The following UGT1A5 variants were observed in gnomAD, a reference collection of about 807,000 sequenced individuals.
UGT1A5 encodes the protein UDP-glucuronosyltransferase 1A5.
A neutral mutation model predicts 40.3 loss-of-function variants in UGT1A5; 29 were observed. That is an observed-to-expected ratio of 0.72 (90% CI 0.54 to 0.98). The LOEUF (loss-of-function observed/expected upper bound fraction) is 0.98, where lower values mean the gene tolerates loss of function less well. Among genes scored for constraint, UGT1A5 ranks in the 50% least tolerant of loss-of-function variants. The pLI, the probability that UGT1A5 is intolerant of heterozygous loss-of-function variation, is 0.00. For missense variants in UGT1A5, 678 were observed against 677.9 expected (o/e 1.00, Z 0.00); for synonymous variants, 257 against 262.5 (o/e 0.98, Z 0.20).
chr2:233,772,588 TG>T lies in UGT1A5; in HGVS notation c.*30del, dbSNP rs774491304. The T allele has an allele frequency of 1.9e-6, 3 of 1,604,040 alleles. No homozygotes were observed. The South Asian group carries it at 3.3e-5, about 18-fold the overall frequency. On this transcript the variant is annotated 3_prime_UTR_variant, in exon 5 of 5. Transcript: ENST00000373414. ...GTGGGTGGGAAATAAGGTAAAATTT[TG>T]AACCATTCCCTAGTCATTTCCAAAC...
intron 1 of UGT1A5, among the ~76,000 whole-genome samples, chr2:233,736,051 TG>T (rs2078724849): frequency 6.6e-6 from 1 of 152,250 alleles, no homozygotes; most frequent in South Asian, 2.1e-4. Context: ...ATTTGAATGT[TG>T]GCCTGCCTTG....
chr2:233,737,522 C>T (rs1286705932), intron 1 of UGT1A5, among the ~76,000 whole-genome samples: 9 of 152,174 alleles, frequency 5.9e-5, no homozygotes, highest in African/African-American at 9.7e-5. Context: ...CTAGGTGAGG[C>T]GACGCCCTGC....
intron 1 of UGT1A5, among the ~76,000 whole-genome samples, chr2:233,756,740 T>G (rs1165580582): frequency 6.6e-6 from 1 of 152,136 alleles, no homozygotes; most frequent in Non-Finnish European, 1.5e-5. Flanking sequence ...CTTCACCTCC[T>G]CCTTATTCTC....
In UGT1A5 at chr2:233,769,706, T is replaced by G; in HGVS notation, c.1307+1267T>G. On this transcript the variant is annotated intron_variant, in intron 4 of 4. Transcript: ENST00000373414. The surrounding 1 kb of genome is among the most constrained non-coding windows in gnomAD (Gnocchi z 4.4). ...GGTGGCACTGGATAAAAGATCAATG[T>G]TGGCTAGGCACCATGGCACACGCCT... 6.6e-7 allele frequency: 1 copy of G among 1,515,112 alleles called. No homozygotes were observed. 93.9% of individuals were successfully genotyped at this position (1,515,112 alleles called of 1,614,324 possible).
chr2:233,727,904 A>G (rs1312363153), intron 1 of UGT1A5, among the ~76,000 whole-genome samples: 1 of 152,232 alleles, frequency 6.6e-6, no homozygotes, highest in Non-Finnish European at 1.5e-5. Flanking sequence ...CCAGGCAAGA[A>G]GACACAGGGG....
At chr2:233,729,037 G>A in intron 1 of UGT1A5, 2 of 1,603,940 alleles carry the variant, frequency 1.2e-6, no homozygotes, top group Non-Finnish European at 1.7e-6. Context: ...TTTGCTAAGT[G>A]GCTCAGTGAC....
intron 1 of UGT1A5, among the ~76,000 whole-genome samples, chr2:233,745,929 G>A (rs954070768): frequency 4.0e-5 from 6 of 151,604 alleles, no homozygotes; most frequent in African/African-American, 1.2e-4. Context: ...GATTCAGAAG[G>A]GACAGCTGGG....
chr2:233,762,605 G>T (rs1247129136), intron 1 of UGT1A5, among the ~76,000 whole-genome samples: 1 of 152,120 alleles, frequency 6.6e-6, no homozygotes, highest in Non-Finnish European at 1.5e-5. Flanking sequence ...TATTCCAGGA[G>T]TTTTGTTGTT....
At chr2:233,761,660 C>T (rs998044886) in intron 1 of UGT1A5, among the ~76,000 whole-genome samples, 2 of 152,246 alleles carry the variant, frequency 1.3e-5, no homozygotes, top group African/African-American at 4.8e-5. Flanking sequence ...ATGAGTGAAT[C>T]ACCAGACAGT....
intron 1 of UGT1A5, chr2:233,728,998 G>C: frequency 6.4e-7 from 1 of 1,560,662 alleles, no homozygotes; most frequent in South Asian, 1.2e-5. Context: ...AACTAGAGGA[G>C]GGCACTCTGT....
chr2:233,739,091 C>T (rs1027086038), intron 1 of UGT1A5: 13 of 152,212 alleles, frequency 8.5e-5, no homozygotes, highest in Admixed American at 1.3e-4. Flanking sequence ...TTGGCAGCAT[C>T]GATGTGGTGT....
intron 1 of UGT1A5, among the ~76,000 whole-genome samples, chr2:233,736,837 T>TC (rs1251253473): frequency 1.3e-5 from 2 of 152,214 alleles, no homozygotes. Flanking sequence ...TGCTTTGGTA[T>TC]CACCAGTGGA....
chr2:233,760,356 G>A (rs1414123680), intron 1 of UGT1A5: 1 of 1,613,940 alleles, frequency 6.2e-7, no homozygotes, highest in Non-Finnish European at 8.5e-7. Context: ...TGGGCCCAGT[G>A]GTGTCCCATG....
At chr2:233,744,741 C>G (rs1692905246) in intron 1 of UGT1A5, among the ~76,000 whole-genome samples, 1 of 151,836 alleles carries the variant, frequency 6.6e-6, no homozygotes, top group South Asian at 2.1e-4. Context: ...AATCAAGTAG[C>G]ATTATTATGG....
At chr2:233,736,510 T>C (rs77531777) in intron 1 of UGT1A5, among the ~76,000 whole-genome samples, 9,193 of 152,294 alleles carry the variant, frequency 0.06, 873 homozygotes, top group African/African-American at 0.21. Flanking sequence ...AGCCTACTTC[T>C]GTCAACTCGT....
intron 3 of UGT1A5, 80 bp from the exon 4 acceptor site, chr2:233,768,140 A>G (rs573022476): frequency 9.8e-5 from 158 of 1,609,884 alleles, no homozygotes; most frequent in Non-Finnish European, 1.2e-4. Context: ...GAGTCTTTGG[A>G]GTGTTTTCAG....
Position 233,727,783 on chromosome 2 carries a change from T to A in UGT1A5, c.867+13925T>A, listed in dbSNP as rs377176798. Among the ~76,000 whole-genome samples, 8 of 152,336 alleles carry A rather than the reference T, an allele frequency of 5.3e-5. No individual in the cohort carries two copies. The East Asian group carries it at 7.7e-4, about 15-fold the overall frequency. Reference sequence around the variant, plus strand: ...AGCTGGGTGTCCCCCAGTAGACGCTTCCATTCACTGCCTGTCCCATGGGTT... The same window carrying A: ...AGCTGGGTGTCCCCCAGTAGACGCTACCATTCACTGCCTGTCCCATGGGTT... On this transcript the variant is annotated intron_variant, in intron 1 of 4. Coordinates refer to ENST00000373414, the MANE Select transcript of UGT1A5 (RefSeq NM_019078.2).
chr2:233,732,384 C>T (rs1031988593), intron 1 of UGT1A5, among the ~76,000 whole-genome samples: 4 of 152,258 alleles, frequency 2.6e-5, no homozygotes, highest in Middle Eastern at 3.4e-3. Flanking sequence ...GTCTTCTAGG[C>T]CATGCCTATG....
At chr2:233,733,813 G>T (rs2078440329) in intron 1 of UGT1A5, among the ~76,000 whole-genome samples, 1 of 152,202 alleles carries the variant, frequency 6.6e-6, no homozygotes, top group East Asian at 1.9e-4. Context: ...GATGATGCTG[G>T]CCTCATAAAA....
Sources: allele counts gnomAD v4.1 joint callset (sites outside exome capture counted in the v4.1 genomes callset), GRCh38; gene constraint gnomAD v4.1.1; non-coding constraint Gnocchi (gnomAD v3.1); transcripts MANE v1.5; gene names NCBI Gene and HGNC (gene_info 2026-07-23, HGNC 2026-07-21).